Variants in GRIA1 observed in about 807,000 individuals in gnomAD.
GRIA1 encodes the protein glutamate ionotropic receptor AMPA type subunit 1.
In GRIA1, 31 loss-of-function variants were observed where a neutral mutation model predicts 99.2. The ratio of observed to expected loss-of-function variants is 0.31; its 90% CI spans 0.23 to 0.42. GRIA1 has a LOEUF of 0.42. Among genes scored for constraint, GRIA1 ranks in the 10% least tolerant of loss-of-function variants. GRIA1 has a pLI of 1.00. For synonymous variants in GRIA1, 438 were observed against 432.4 expected (o/e 1.01, Z -0.16); for missense variants, 782 against 1,157.5 (o/e 0.68, Z 4.71).
chr5:153,566,716 C>CTTTTTTTTT (rs56127811), intron 2 of GRIA1, among the ~76,000 whole-genome samples: 1 of 116,558 alleles, frequency 8.6e-6, no homozygotes, highest in Non-Finnish European at 1.7e-5. Flanking sequence ...CAAATATTGT[C>CTTTTTTTTT]TTTTTTTTTT....
intron 2 of GRIA1, among the ~76,000 whole-genome samples, chr5:153,556,371 C>T (rs1028153926): frequency 1.3e-5 from 2 of 152,166 alleles, no homozygotes; most frequent in Non-Finnish European, 2.9e-5. Flanking sequence ...TGTCTCCTAG[C>T]TCCCAGTCCA....
At chr5:153,765,008 TC>T (rs1264386070) in intron 12 of GRIA1, among the ~76,000 whole-genome samples, 2 of 152,094 alleles carry the variant, frequency 1.3e-5, no homozygotes, top group Non-Finnish European at 2.9e-5. Flanking sequence ...GCTCTTTGTG[TC>T]CCCTCCTATC....
At chr5:153,506,932 G>A (rs1252910808) in intron 2 of GRIA1, among the ~76,000 whole-genome samples, 1 of 151,954 alleles carries the variant, frequency 6.6e-6, no homozygotes, top group Non-Finnish European at 1.5e-5. Flanking sequence ...AGATCAGTCG[G>A]GCCAACATGG....
intron 11 of GRIA1, among the ~76,000 whole-genome samples, chr5:153,757,910 ATAT>A (rs781150879): frequency 1.1e-4 from 16 of 152,282 alleles, no homozygotes; most frequent in Middle Eastern, 3.4e-3. Context: ...CAATATTCTA[ATAT>A]TATAATCATG....
chr5:153,511,760 G>C (rs1002521407), intron 2 of GRIA1, among the ~76,000 whole-genome samples: 5 of 152,136 alleles, frequency 3.3e-5, no homozygotes, highest in African/African-American at 1.2e-4. Flanking sequence ...ACTCTTCCAG[G>C]CTCCCTGTCA....
chr5:153,674,009 T>C (rs548631806), intron 5 of GRIA1, among the ~76,000 whole-genome samples: 4 of 152,190 alleles, frequency 2.6e-5, no homozygotes, highest in African/African-American at 9.7e-5. Flanking sequence ...GCTTGCCCAG[T>C]GAAATTCAGA....
At chr5:153,679,127 G>A (rs1307607725) in intron 7 of GRIA1, among the ~76,000 whole-genome samples, 1 of 152,140 alleles carries the variant, frequency 6.6e-6, no homozygotes, top group African/African-American at 2.4e-5. Context: ...AGATATGTGT[G>A]TGCCTGCCCT....
At chr5:153,754,860 A>AT (rs1762725051) in intron 11 of GRIA1, among the ~76,000 whole-genome samples, 2 of 152,200 alleles carry the variant, frequency 1.3e-5, no homozygotes, top group Admixed American at 1.3e-4. Flanking sequence ...CTTTGCTTTC[A>AT]TGGAGCTTAT....
chr5:153,777,713 G>C (rs1764352571), intron 13 of GRIA1, among the ~76,000 whole-genome samples: 1 of 151,988 alleles, frequency 6.6e-6, no homozygotes, highest in Non-Finnish European at 1.5e-5. Context: ...GGCTGCATTA[G>C]AAATAAAATA....
intron 13 of GRIA1, among the ~76,000 whole-genome samples, chr5:153,776,815 C>T (rs1035865583): frequency 1.1e-4 from 17 of 152,126 alleles, no homozygotes; most frequent in African/African-American, 4.1e-4. Flanking sequence ...CTTTCAGGGA[C>T]TGAGGGTTTC....
At chr5:153,630,962 T>C (rs1752918629) in intron 2 of GRIA1, among the ~76,000 whole-genome samples, 1 of 152,174 alleles carries the variant, frequency 6.6e-6, no homozygotes, top group South Asian at 2.1e-4. Flanking sequence ...GCCATTTGGA[T>C]CTGGAAATAA....
chr5:153,577,754 A>C lies in GRIA1; in HGVS notation c.221-69174A>C, dbSNP rs1488758701. Among the ~76,000 whole-genome samples, 6 of 152,342 alleles carry C rather than the reference A, an allele frequency of 3.9e-5. No homozygotes were observed. The East Asian group carries it at 1.2e-3, about 29-fold the overall frequency. On this transcript the variant is annotated intron_variant, in intron 2 of 15. Transcript: ENST00000285900. ...AGGCTTTGCCAGACAGTGAGAACAC[A>C]GTAGTGAGTAAGGGGGACAAGACAC...
At chr5:153,810,997 G>A (rs1471846575) in intron 15 of GRIA1, 28 bp from the exon 16 acceptor site, 2 of 1,584,192 alleles carry the variant, frequency 1.3e-6, no homozygotes, top group Admixed American at 3.3e-5. Flanking sequence ...CAAGGACCCG[G>A]GGAAGAACCC....
chr5:153,719,787 C>T (rs1005803298), intron 11 of GRIA1, among the ~76,000 whole-genome samples: 5 of 151,920 alleles, frequency 3.3e-5, no homozygotes, highest in Non-Finnish European at 7.4e-5. Context: ...GTATTGTGAC[C>T]ATCTTTGGAA....
At chr5:153,749,367 G>C (rs1362414271) in intron 11 of GRIA1, among the ~76,000 whole-genome samples, 1 of 152,104 alleles carries the variant, frequency 6.6e-6, no homozygotes. Context: ...ACCCCTGGCT[G>C]GGTAATTTAT....
At chr5:153,577,781 T>C (rs1389316082) in intron 2 of GRIA1, among the ~76,000 whole-genome samples, 1 of 152,204 alleles carries the variant, frequency 6.6e-6, no homozygotes, top group East Asian at 1.9e-4. Context: ...ACAAGACACC[T>C]GACTTCATGG....
At chr5:153,619,793 G>C (rs903405915) in intron 2 of GRIA1, among the ~76,000 whole-genome samples, 3 of 152,142 alleles carry the variant, frequency 2.0e-5, no homozygotes, top group African/African-American at 7.2e-5. Flanking sequence ...ATCTGAGGCA[G>C]GTCAGGGAAA....
rs114596520 is a variant in GRIA1 at position 153,513,604 on chromosome 5, G to A, written c.220+19539G>A. On this transcript the variant is annotated intron_variant, in intron 2 of 15. Coordinates refer to ENST00000285900, the MANE Select transcript of GRIA1 (RefSeq NM_000827.4). ...GGGCTTAAACCTCAGTTTTGTCGCTGATTAACCTGTGATCTTGGGCAACCC... is the reference window on the plus strand; with the variant it reads ...GGGCTTAAACCTCAGTTTTGTCGCTAATTAACCTGTGATCTTGGGCAACCC... Among the ~76,000 whole-genome samples, 418 of 152,278 alleles carry A rather than the reference G, an allele frequency of 2.7e-3. 1 individual carries two copies. Among genetic ancestry groups the A allele is most frequent in the African/African-American group, 9.5e-3 (394 of 41,554 alleles).
intron 8 of GRIA1, among the ~76,000 whole-genome samples, chr5:153,696,969 C>A (rs561164756): frequency 4.1e-4 from 63 of 152,270 alleles, no homozygotes; most frequent in Non-Finnish European, 7.1e-4. Context: ...GCCTGGCCTT[C>A]AAAGCCATCT....
Sources: gnomAD v4.1 joint callset for allele counts (sites outside exome capture counted in the v4.1 genomes callset) on GRCh38, gnomAD v4.1.1 for gene constraint, MANE v1.5 for transcripts, NCBI Gene and HGNC (gene_info 2026-07-23, HGNC 2026-07-21) for gene names.